VPS13B: variants seen among roughly 807,000 people sequenced by gnomAD.
The protein encoded by VPS13B is vacuolar protein sorting 13 homolog B.
Under a neutral mutation model 426.4 loss-of-function variants are expected in VPS13B, and 285 were observed. The observed-to-expected ratio is 0.67, with a 90% confidence interval of 0.61 to 0.74. The LOEUF is 0.74. VPS13B is among the 30% of genes least tolerant of loss of function. The pLI, the probability that VPS13B is intolerant of heterozygous loss-of-function variation, is 0.00. For missense variants in VPS13B, 4,537 were observed against 4,782.6 expected, an observed-to-expected ratio of 0.95 and a Z score of 1.51; for synonymous variants, 1,676 against 1,676.4, an observed-to-expected ratio of 1.00 and a Z score of 0.01.
chr8:99,419,188 A>T (rs1178422288), intron 21 of VPS13B, among the ~76,000 whole-genome samples: 1 of 152,120 alleles, frequency 6.6e-6, no homozygotes, highest in Non-Finnish European at 1.5e-5. Flanking sequence ...AAGAAATCTG[A>T]TGGTTTAAAA....
intron 23 of VPS13B, among the ~76,000 whole-genome samples, chr8:99,456,238 G>A (rs553295833): frequency 1.3e-5 from 2 of 152,090 alleles, no homozygotes; most frequent in African/African-American, 2.4e-5. Context: ...GCACAATCTC[G>A]GCTCACTGCA....
Position 99,334,476 on chromosome 8 carries a change from T to C in VPS13B, c.2825-49732T>C, listed in dbSNP as rs1810709986. On this transcript the variant is annotated intron_variant, in intron 19 of 61. Coordinates refer to ENST00000357162, the MANE Select transcript of VPS13B (RefSeq NM_152564.5). The stretch of plus-strand genomic sequence containing the variant: ...TCCAGTTTTTGCCCATTCAGTATGA[T>C]ATTGGCTGTGGGTTTGTCATAGATA... 2.0e-5 allele frequency among the ~76,000 whole-genome samples: 3 copies of C among 152,112 alleles called. No homozygotes were observed. In the South Asian group the frequency reaches 6.2e-4, roughly 31 times the overall value.
At chr8:99,346,672 G>T (rs2133200165) in intron 19 of VPS13B, 1 of 177,704 alleles carries the variant, frequency 5.6e-6, no homozygotes, top group Non-Finnish European at 1.2e-5. Flanking sequence ...TTGTCAAAAG[G>T]CTCCAGGAGC....
intron 33 of VPS13B, among the ~76,000 whole-genome samples, chr8:99,637,026 G>A (rs1829098557): frequency 6.6e-6 from 1 of 152,010 alleles, no homozygotes; most frequent in Non-Finnish European, 1.5e-5. Context: ...GCACTGCCCA[G>A]AGATACATGT....
At chr8:99,811,098 C>G (rs1053666377) in intron 44 of VPS13B, among the ~76,000 whole-genome samples, 7 of 152,190 alleles carry the variant, frequency 4.6e-5, no homozygotes, top group African/African-American at 1.7e-4. Flanking sequence ...TCTTACCCAC[C>G]TTCCCATTGA....
intron 33 of VPS13B, among the ~76,000 whole-genome samples, chr8:99,606,624 C>CTTTTTTT (rs1193844207): frequency 1.6e-4 from 22 of 137,228 alleles, no homozygotes; most frequent in African/African-American, 3.4e-4. Flanking sequence ...TTTTCTTTTT[C>CTTTTTTT]TTTTCTTTTT....
At chr8:99,672,893 G>T (rs1054149810) in intron 35 of VPS13B, among the ~76,000 whole-genome samples, 11 of 152,070 alleles carry the variant, frequency 7.2e-5, no homozygotes, top group Admixed American at 7.2e-4. Context: ...TGCACCTGTT[G>T]AAATGATCAT....
chr8:99,111,970 A>G (rs531520695), intron 6 of VPS13B, among the ~76,000 whole-genome samples: 1 of 152,110 alleles, frequency 6.6e-6, no homozygotes, highest in East Asian at 1.9e-4. Context: ...TCCTTTTAGA[A>G]TCCACACTGT....
chr8:99,761,585 T>G (rs910775504), intron 39 of VPS13B, among the ~76,000 whole-genome samples: 1 of 152,186 alleles, frequency 6.6e-6, no homozygotes, highest in Non-Finnish European at 1.5e-5. Context: ...TATAAGCTAT[T>G]ATATATTAAT....
intron 25 of VPS13B, among the ~76,000 whole-genome samples, chr8:99,494,512 A>G (rs1820788166): frequency 6.6e-6 from 1 of 152,168 alleles, no homozygotes; most frequent in South Asian, 2.1e-4. Flanking sequence ...TTTAATGCAT[A>G]GAAACACAAC....
At chr8:99,092,325 C>T (rs1007240440) in intron 3 of VPS13B, among the ~76,000 whole-genome samples, 1 of 152,080 alleles carries the variant, frequency 6.6e-6, no homozygotes, top group Non-Finnish European at 1.5e-5. Flanking sequence ...ATATACTTAC[C>T]AGACATTTTG....
At chr8:99,597,803 A>G (rs1827092948) in intron 33 of VPS13B, among the ~76,000 whole-genome samples, 2 of 152,042 alleles carry the variant, frequency 1.3e-5, no homozygotes, top group Non-Finnish European at 2.9e-5. Context: ...TCACTATTAC[A>G]TAAAGCCAAG....
intron 29 of VPS13B, among the ~76,000 whole-genome samples, chr8:99,516,090 G>A (rs1822054132): frequency 6.6e-6 from 1 of 152,088 alleles, no homozygotes; most frequent in African/African-American, 2.4e-5. Context: ...AGCTAAGAAT[G>A]CAAATACAAA....
chr8:99,442,184 A>G (rs1817711157), intron 22 of VPS13B, among the ~76,000 whole-genome samples: 1 of 152,184 alleles, frequency 6.6e-6, no homozygotes, highest in South Asian at 2.1e-4. Context: ...GTGGAAGGGC[A>G]GATCATCTCT....
intron 29 of VPS13B, among the ~76,000 whole-genome samples, chr8:99,513,294 A>G (rs1427759028): frequency 2.6e-5 from 4 of 151,998 alleles, no homozygotes; most frequent in Non-Finnish European, 4.4e-5. Context: ...TGTTTGTTTT[A>G]TGTTCCCCAT....
chr8:99,607,150 G>A (rs568452567), intron 33 of VPS13B, among the ~76,000 whole-genome samples: 1 of 152,284 alleles, frequency 6.6e-6, no homozygotes, highest in South Asian at 2.1e-4. Context: ...GCCTGTTTAT[G>A]TTAGTAAAAA....
At chr8:99,568,242 A>G (rs556097329) in intron 31 of VPS13B, among the ~76,000 whole-genome samples, 2 of 151,552 alleles carry the variant, frequency 1.3e-5, no homozygotes, top group East Asian at 1.9e-4. Flanking sequence ...GCTCTTGTTG[A>G]AAAAAAAGCC....
At chr8:99,299,106 G>A (rs1018332777) in intron 19 of VPS13B, among the ~76,000 whole-genome samples, 2 of 144,482 alleles carry the variant, frequency 1.4e-5, no homozygotes, top group Non-Finnish European at 3.0e-5. Flanking sequence ...TTGTTGCCCA[G>A]GCTGGAGTGC....
At chr8:99,510,275 A>T (rs1308223697) in intron 28 of VPS13B, among the ~76,000 whole-genome samples, 1 of 152,216 alleles carries the variant, frequency 6.6e-6, no homozygotes, top group East Asian at 1.9e-4. Flanking sequence ...TAGCCAAATT[A>T]TTGAAGGAAA....
Sources: allele counts gnomAD v4.1 joint callset (sites outside exome capture counted in the v4.1 genomes callset), GRCh38; gene constraint gnomAD v4.1.1; transcripts MANE v1.5; gene names NCBI Gene and HGNC (gene_info 2026-07-23, HGNC 2026-07-21).